The following ASS1 variants were observed in gnomAD, a reference collection of about 807,000 sequenced individuals.
The protein encoded by ASS1 is argininosuccinate synthase 1, also known as argininosuccinate synthase.
A neutral mutation model predicts 60.5 loss-of-function variants in ASS1; 58 were observed. That is an observed-to-expected ratio of 0.96 (90% CI 0.78 to 1.19). ASS1 has a LOEUF of 1.19. ASS1 is among the 50% of genes most tolerant of loss of function. The probability of loss-of-function intolerance (pLI) is 0.00; values close to 1 mark genes in which losing one functional copy is unlikely to be tolerated. For missense variants in ASS1, 454 were observed against 547.3 expected, an observed-to-expected ratio of 0.83 and a Z score of 1.70; for synonymous variants, 200 against 206.9, an observed-to-expected ratio of 0.97 and a Z score of 0.29.
At position 130,452,211 on chromosome 9, in the gene ASS1, CG is replaced by C; in HGVS notation, c.-5-12del. 1 of 1,612,236 alleles carries C rather than the reference CG, an allele frequency of 6.2e-7. No individual in the cohort carries two copies. The highest frequency in any genetic ancestry group is 8.5e-7 in the Non-Finnish European group (1 of 1,178,916). ...TCTCAGGGTCACTCAGGTTGTTCCTCGACTCCCGCCAGACGCTATGTCCAGC... is the reference window on the plus strand; with the variant it reads ...TCTCAGGGTCACTCAGGTTGTTCCTCACTCCCGCCAGACGCTATGTCCAGC... On this transcript the variant is annotated splice_polypyrimidine_tract_variant and intron_variant, in intron 1 of 14. Transcript: ENST00000352480.
At chr9:130,467,941 C>A (rs1283690490) in intron 6 of ASS1, among the ~76,000 whole-genome samples, 2 of 152,190 alleles carry the variant, frequency 1.3e-5, no homozygotes, top group South Asian at 4.1e-4. Flanking sequence ...GTCTCAGGAG[C>A]ACACTGCTGT....
intron 13 of ASS1, among the ~76,000 whole-genome samples, chr9:130,495,738 T>C (rs1003371477): frequency 2.6e-5 from 4 of 152,012 alleles, no homozygotes; most frequent in African/African-American, 7.3e-5. Flanking sequence ...CCTGTGGAAA[T>C]GCGGTAGCTT....
chr9:130,464,868 A>G (rs1418928335), intron 5 of ASS1, among the ~76,000 whole-genome samples: 1 of 151,770 alleles, frequency 6.6e-6, no homozygotes, highest in Non-Finnish European at 1.5e-5. Context: ...GTGTCTACTG[A>G]GCACCCACTC....
In ASS1 at chr9:130,495,512, A is replaced by T. The variant is rs373296563; in HGVS notation, c.1127+489A>T. 6.2e-4 allele frequency among the ~76,000 whole-genome samples: 82 copies of T among 133,142 alleles called. 1 individual carries two copies. In the East Asian group the frequency reaches 8.9e-3, roughly 14 times the overall value. 87.3% of individuals were successfully genotyped at this position (133,142 alleles called of 152,430 possible). On this transcript the variant is annotated intron_variant, in intron 13 of 14. Transcript: ENST00000352480. ...ACACACACACACACATATATATATA[A>T]AATAATTGGGGTTGTGAAGAAGCTC...
chr9:130,499,578 G>A lies in ASS1; in HGVS notation c.1193+8G>A, dbSNP rs752456786. 3 of 1,612,380 alleles carry A rather than the reference G, an allele frequency of 1.9e-6. No homozygotes were observed. The Admixed American group carries it at 5.0e-5, about 27-fold the overall frequency. ...CAACATCAATTCCCTCAGGTGAGAA[G>A]CTCAGGGCCCTGACGGGCCTTCAGA... On this transcript the variant is annotated splice_region_variant and intron_variant, in intron 14 of 14. Coordinates refer to ENST00000352480, the MANE Select transcript of ASS1 (RefSeq NM_054012.4).
chr9:130,457,884 C>T (rs1050778829), intron 3 of ASS1, among the ~76,000 whole-genome samples: 18 of 152,124 alleles, frequency 1.2e-4, no homozygotes, highest in African/African-American at 2.9e-4. Context: ...GCAGGCTGGC[C>T]GCGGTGGCTT....
intron 11 of ASS1, among the ~76,000 whole-genome samples, chr9:130,487,648 G>A (rs1224190069): frequency 1.3e-5 from 2 of 152,070 alleles, no homozygotes; most frequent in East Asian, 1.9e-4. Flanking sequence ...TTGATGACTC[G>A]AGGGACCTCG....
At chr9:130,454,786 TCATC>T (rs373152673) in intron 3 of ASS1, among the ~76,000 whole-genome samples, 38 of 139,644 alleles carry the variant, frequency 2.7e-4, no homozygotes, top group East Asian at 2.7e-3. Context: ...CATTCACCCA[TCATC>T]CATCCATCCA....
chr9:130,494,771 G>A lies in ASS1; in HGVS notation c.971-96G>A. 1.3e-6 allele frequency: 2 copies of A among 1,504,524 alleles called. No homozygotes were observed. Among genetic ancestry groups the A allele is most frequent in the Non-Finnish European group, 1.8e-6 (2 of 1,086,192 alleles). 93.2% of individuals were successfully genotyped at this position (1,504,524 alleles called of 1,614,324 possible). ...GAGGCAGTCATGGTCTGCATGGCGG[G>A]GTAAACCATGGGGCACCCTTCCTGT... On this transcript the variant is annotated intron_variant, in intron 12 of 14. Coordinates refer to ENST00000352480, the MANE Select transcript of ASS1 (RefSeq NM_054012.4). The surrounding 1 kb of genome is among the most constrained non-coding windows in gnomAD (Gnocchi z 4.3).
intron 13 of ASS1, among the ~76,000 whole-genome samples, chr9:130,496,515 C>T (rs1235921226): frequency 6.6e-6 from 1 of 150,814 alleles, no homozygotes; most frequent in Non-Finnish European, 1.5e-5. Flanking sequence ...CACTTGAGCC[C>T]AGGAGCTGGA....
intron 11 of ASS1, among the ~76,000 whole-genome samples, chr9:130,485,957 C>T (rs541569533): frequency 2.0e-5 from 3 of 152,208 alleles, no homozygotes; most frequent in Admixed American, 6.5e-5. Context: ...GCTTTTTTGG[C>T]ACTGTCATGT....
intron 3 of ASS1, among the ~76,000 whole-genome samples, chr9:130,456,850 C>T (rs4322051): frequency 0.29 from 44,173 of 151,578 alleles, 6,871 homozygotes; most frequent in Middle Eastern, 0.36. Flanking sequence ...CACTTGAACC[C>T]GGAAGGCAGA....
intron 11 of ASS1, among the ~76,000 whole-genome samples, chr9:130,480,798 C>A (rs530505321): frequency 6.6e-6 from 1 of 152,310 alleles, no homozygotes; most frequent in Non-Finnish European, 1.5e-5. Context: ...ACCGTGCAGG[C>A]CCGATTTCGT....
At chr9:130,469,331 G>A (rs1427913695) in intron 6 of ASS1, among the ~76,000 whole-genome samples, 4 of 152,248 alleles carry the variant, frequency 2.6e-5, no homozygotes, top group South Asian at 2.1e-4. Flanking sequence ...CAGTTTTCAC[G>A]TGTAATATGG....
intron 11 of ASS1, among the ~76,000 whole-genome samples, chr9:130,487,581 A>AAT (rs1846335366): frequency 6.6e-6 from 1 of 151,702 alleles, no homozygotes; most frequent in East Asian, 1.9e-4. Context: ...GGCCCCATGA[A>AAT]ACTCCCCATT....
intron 11 of ASS1, among the ~76,000 whole-genome samples, chr9:130,483,758 T>TCCTTTCCTCCTCCCTCTTTC (rs1846229849): frequency 9.4e-6 from 1 of 106,366 alleles, no homozygotes; most frequent in Non-Finnish European, 1.9e-5. Context: ...CTCCTTGCCT[T>TCCTTTCCTCCTCCCTCTTTC]CCTTTCCTCC....
chr9:130,456,680 T>C (rs1454717316), intron 3 of ASS1, among the ~76,000 whole-genome samples: 2 of 152,156 alleles, frequency 1.3e-5, no homozygotes, highest in Admixed American at 1.3e-4. Context: ...CTGGGTGCGG[T>C]GGCTCACGCT....
chr9:130,495,876 C>T (rs752152957), intron 13 of ASS1, among the ~76,000 whole-genome samples: 13 of 151,926 alleles, frequency 8.6e-5, no homozygotes, highest in African/African-American at 1.5e-4. Context: ...TGTCTGGGGT[C>T]GTGAGCAGCT....
chr9:130,466,109 C>T (rs559978372), intron 5 of ASS1, among the ~76,000 whole-genome samples: 1 of 152,324 alleles, frequency 6.6e-6, no homozygotes, highest in Admixed American at 6.5e-5. Context: ...TCTCCACCCC[C>T]ACACACACAT....
Sources: allele counts gnomAD v4.1 joint callset (sites outside exome capture counted in the v4.1 genomes callset), GRCh38; gene constraint gnomAD v4.1.1; non-coding constraint Gnocchi (gnomAD v3.1); transcripts MANE v1.5; gene names NCBI Gene and HGNC (gene_info 2026-07-23, HGNC 2026-07-21).